ZNF438: variants seen among roughly 807,000 people sequenced by gnomAD.
ZNF438 encodes zinc finger protein 438.
In ZNF438, 25 loss-of-function variants were observed where a neutral mutation model predicts 38.0. That is an observed-to-expected ratio of 0.66 (90% CI 0.48 to 0.92). The LOEUF (loss-of-function observed/expected upper bound fraction) is 0.92. Ranked by LOEUF, ZNF438 falls within the 40% of genes least tolerant of loss-of-function variation. The probability of loss-of-function intolerance (pLI) is 0.00; values close to 1 mark genes in which losing one functional copy is unlikely to be tolerated. For synonymous variants in ZNF438, 372 were observed against 364.1 expected (o/e 1.02, Z -0.25); for missense variants, 1,007 against 999.6 (o/e 1.01, Z -0.10).
At chr10:30,887,684 G>A (rs541334188) in intron 3 of ZNF438, among the ~76,000 whole-genome samples, 10 of 152,208 alleles carry the variant, frequency 6.6e-5, no homozygotes, top group East Asian at 3.9e-4. Context: ...CACCGCGCCC[G>A]GCCTAAACTC....
chr10:30,859,088 T>C (rs1176273743), intron 4 of ZNF438, among the ~76,000 whole-genome samples: 4 of 152,158 alleles, frequency 2.6e-5, no homozygotes, highest in African/African-American at 7.2e-5. Context: ...CTGTTGTATC[T>C]GTTTGTTTTT....
At chr10:30,931,905 A>G (rs1279357961) in intron 2 of ZNF438, among the ~76,000 whole-genome samples, 1 of 152,230 alleles carries the variant, frequency 6.6e-6, no homozygotes, top group African/African-American at 2.4e-5. Context: ...TTCAGTCTCA[A>G]TCTCTGACCC....
At chr10:30,980,359 G>A (rs1022450605) in intron 1 of ZNF438, among the ~76,000 whole-genome samples, 1 of 152,170 alleles carries the variant, frequency 6.6e-6, no homozygotes, top group African/African-American at 2.4e-5. Context: ...TATCACCTAG[G>A]TGACTTATGA....
intron 1 of ZNF438, among the ~76,000 whole-genome samples, chr10:30,943,369 GGGA>G (rs1299745599): frequency 6.6e-6 from 1 of 151,958 alleles, no homozygotes; most frequent in African/African-American, 2.4e-5. Flanking sequence ...CAGAGGGAAA[GGGA>G]GGAGGAGAGA....
chr10:30,985,916 A>G (rs938417339), intron 1 of ZNF438, among the ~76,000 whole-genome samples: 3 of 152,220 alleles, frequency 2.0e-5, no homozygotes, highest in African/African-American at 7.2e-5. Context: ...GTCAGTCAAC[A>G]ACAGACTGCA....
chr10:30,997,128 A>C (rs199520557), intron 1 of ZNF438, among the ~76,000 whole-genome samples: 1 of 152,182 alleles, frequency 6.6e-6, no homozygotes, highest in East Asian at 1.9e-4. Context: ...CTTCCACCTT[A>C]AGACAGAACC....
In ZNF438 at chr10:30,974,733, A is replaced by G. The variant is rs150363488; in HGVS notation, c.-191-33082T>C. On this transcript the variant is annotated intron_variant, in intron 1 of 5. Coordinates refer to ENST00000413025, the Ensembl canonical transcript of ZNF438. The stretch of plus-strand genomic sequence containing the variant: ...TAAAAATAAAAATGCTATTGAGTAG[A>G]AACCTCCTTGTTCTACCCTGGTCCT... Among the ~76,000 whole-genome samples, 667 of 152,352 alleles carry G rather than the reference A, an allele frequency of 4.4e-3. 9 individuals carry two copies. The highest frequency in any genetic ancestry group is 0.015 in the African/African-American group (623 of 41,580).
intron 1 of ZNF438, among the ~76,000 whole-genome samples, chr10:30,978,257 T>TA (rs1564781589): frequency 1.3e-5 from 2 of 152,202 alleles, no homozygotes; most frequent in East Asian, 3.8e-4. Flanking sequence ...TGAGAATTCG[T>TA]CTACTCTCTT....
chr10:30,967,784 C>A (rs2050290730), intron 1 of ZNF438, among the ~76,000 whole-genome samples: 1 of 152,086 alleles, frequency 6.6e-6, no homozygotes, highest in Admixed American at 6.5e-5. Flanking sequence ...ACACACTTGG[C>A]CAGTGCAAGC....
intron 1 of ZNF438, among the ~76,000 whole-genome samples, chr10:31,003,931 A>G (rs912357603): frequency 6.6e-6 from 1 of 152,244 alleles, no homozygotes; most frequent in Non-Finnish European, 1.5e-5. Flanking sequence ...TATATGGAAG[A>G]AAAAACAAGA....
At chr10:30,851,886 C>T (rs144480374) in intron 4 of ZNF438, among the ~76,000 whole-genome samples, 76 of 152,024 alleles carry the variant, frequency 5.0e-4, no homozygotes, top group Admixed American at 9.2e-4. Context: ...CAGCTGGGCA[C>T]GGGGGCTCAC....
chr10:30,887,381 C>CA (rs2040087499), intron 3 of ZNF438, among the ~76,000 whole-genome samples: 1 of 151,294 alleles, frequency 6.6e-6, no homozygotes, highest in South Asian at 2.1e-4. Context: ...GTAATAAACT[C>CA]TTTTTTTTTG....
intron 4 of ZNF438, among the ~76,000 whole-genome samples, chr10:30,874,110 G>GTATA (rs1483981955): frequency 3.8e-4 from 12 of 31,626 alleles, no homozygotes; most frequent in African/African-American, 1.9e-3. Flanking sequence ...GGGGGTGTGT[G>GTATA]TGTGTATATA....
intron 1 of ZNF438, among the ~76,000 whole-genome samples, chr10:30,983,487 A>T (rs1489077316): frequency 6.6e-6 from 1 of 152,158 alleles, no homozygotes; most frequent in Non-Finnish European, 1.5e-5. Context: ...CTCACTCACT[A>T]TCACAAGAAC....
chr10:30,862,133 T>C (rs2035682612), intron 4 of ZNF438, among the ~76,000 whole-genome samples: 1 of 152,160 alleles, frequency 6.6e-6, no homozygotes, highest in Non-Finnish European at 1.5e-5. Flanking sequence ...CCATCACAAA[T>C]ACCTGTGCAC....
At chr10:30,918,657 G>A (rs1035735636) in intron 2 of ZNF438, among the ~76,000 whole-genome samples, 1 of 152,118 alleles carries the variant, frequency 6.6e-6, no homozygotes, top group African/African-American at 2.4e-5. Context: ...ACTATATTCT[G>A]TATGGTAAAC....
At chr10:31,032,359 C>T (rs938526665), upstream of ZNF438, among the ~76,000 whole-genome samples, 2 of 152,152 alleles carry the variant, frequency 1.3e-5, no homozygotes, top group Non-Finnish European at 2.9e-5. Context: ...ACAGCTCTCC[C>T]AGGGTCCCTC....
At chr10:31,009,153 A>G (rs746828686) in intron 1 of ZNF438, among the ~76,000 whole-genome samples, 22 of 152,204 alleles carry the variant, frequency 1.4e-4, no homozygotes, top group Non-Finnish European at 2.6e-4. Context: ...AAATGTGGAT[A>G]TAAGTCCGTT....
rs1171635572 is a variant in ZNF438, at chr10:30,850,380, T to A, written c.38-13A>T. On this transcript the variant is annotated splice_polypyrimidine_tract_variant and intron_variant, in intron 4 of 5. Transcript: ENST00000413025. ...ATGTTTGATTCACCTGCAATGACAA[T>A]AAAATATAAAGAGTTACTGTATGTA... is the stretch of plus-strand genomic sequence containing the variant. The A allele has an allele frequency of 6.2e-7, 1 of 1,603,546 alleles. No individual in the cohort carries two copies. Among genetic ancestry groups the A allele is most frequent in the Non-Finnish European group, 8.5e-7 (1 of 1,174,916 alleles).
Sources: allele counts gnomAD v4.1 joint callset (sites outside exome capture counted in the v4.1 genomes callset), GRCh38; gene constraint gnomAD v4.1.1; transcripts MANE v1.5; gene names NCBI Gene and HGNC (gene_info 2026-07-23, HGNC 2026-07-21).